The following OOEP variants were observed in gnomAD, a reference collection of about 807,000 sequenced individuals.
The protein encoded by OOEP is oocyte-expressed protein homolog.
OOEP carries 16 observed loss-of-function variants against 13.7 expected under a neutral mutation model. That is an observed-to-expected ratio of 1.16 (90% CI 0.79 to 1.77). The LOEUF is 1.77. Among genes scored for constraint, OOEP ranks in the 40% most tolerant of loss-of-function variants. The pLI, the probability that OOEP is intolerant of heterozygous loss-of-function variation, is 0.00. For missense variants in OOEP, 195 were observed against 193.1 expected (o/e 1.01, Z -0.06); for synonymous variants, 89 against 77.1 (o/e 1.15, Z -0.81).
chr6:73,380,246 CTTTTT>C (rs774497914), intron 2 of OOEP, among the ~76,000 whole-genome samples: 2 of 126,882 alleles, frequency 1.6e-5, no homozygotes. Flanking sequence ...TTCCAAAATT[CTTTTT>C]TTTTTTTTTT....
chr6:73,368,596 T>C lies in OOEP; in HGVS notation c.*188A>G, dbSNP rs1582622370. Reference sequence around the variant, plus strand: ...TATTATAAGTGTGTGAAGATCTTAATGCTTTTGGCAAAATAGCCATTTCTT... The same window carrying C: ...TATTATAAGTGTGTGAAGATCTTAACGCTTTTGGCAAAATAGCCATTTCTT... On this transcript the variant is annotated 3_prime_UTR_variant, in exon 3 of 3. Transcript: ENST00000370359. The C allele has an allele frequency of 1.8e-6, 1 of 549,758 alleles. No individual in the cohort carries two copies. Among genetic ancestry groups the C allele is most frequent in the Admixed American group, 3.1e-5 (1 of 32,418 alleles). The allele number at this position is 549,758 out of a possible 1,614,324, so 34.1% of individuals were successfully genotyped here. A position where few individuals can be genotyped will look rare whatever the true frequency, so the allele number is the denominator to read the frequency against.
upstream of OOEP, among the ~76,000 whole-genome samples, chr6:73,370,879 C>T (rs571664434): frequency 9.9e-5 from 15 of 152,134 alleles, no homozygotes; most frequent in Non-Finnish European, 2.1e-4. Context: ...CCTCCCAGGC[C>T]TAAGCGACCC....
chr6:73,384,221 G>C (rs1379459918), intron 2 of OOEP, among the ~76,000 whole-genome samples: 1 of 152,132 alleles, frequency 6.6e-6, no homozygotes, highest in African/African-American at 2.4e-5. Context: ...GAATGAATAA[G>C]TTCCTAGAAA....
At chr6:73,389,660 C>T (rs1297187235) in intron 2 of OOEP, among the ~76,000 whole-genome samples, 1 of 139,110 alleles carries the variant, frequency 7.2e-6, no homozygotes, top group African/African-American at 2.8e-5. Flanking sequence ...CACATGGACA[C>T]AGGAAGGGGA....
chr6:73,369,816 G>A lies in OOEP; in HGVS notation c.-24C>T. On this transcript the variant is annotated 5_prime_UTR_variant, in exon 1 of 3. Transcript: ENST00000370359. ...ATACTGGGACCAGCAGCCGCGGAGC[G>A]CGCTCGAGGCGGCTTTCGCAAGACC... The A allele has an allele frequency of 6.3e-7, 1 of 1,599,796 alleles. No individual in the cohort carries two copies. Among genetic ancestry groups the A allele is most frequent in the Non-Finnish European group, 8.5e-7 (1 of 1,171,804 alleles).
chr6:73,395,027 A>G, exon 1 of OOEP: 2 of 1,614,210 alleles, frequency 1.2e-6, no homozygotes, highest in South Asian at 1.1e-5. Flanking sequence ...ACAGGTCCTG[A>G]GGGATATAGT....
rs1258051735 is a variant in OOEP at position 73,386,841 on chromosome 6, G to A, written c.25+7505C>T. Among the ~76,000 whole-genome samples, 6 of 151,020 alleles carry A rather than the reference G, an allele frequency of 4.0e-5. 1 individual carries two copies. The South Asian group carries it at 1.3e-3, about 32-fold the overall frequency. Reference sequence around the variant, plus strand: ...AAATTAGCCAGGCATGGTGGCAGGCGCCTGTAATCCCAGCTACTCGGGATG... The same window carrying A: ...AAATTAGCCAGGCATGGTGGCAGGCACCTGTAATCCCAGCTACTCGGGATG... On this transcript the variant is annotated intron_variant, in intron 2 of 3. Transcript: ENST00000370363.
chr6:73,388,425 CTTTTAT>C (rs1405990986), intron 2 of OOEP, among the ~76,000 whole-genome samples: 2 of 152,132 alleles, frequency 1.3e-5, no homozygotes, highest in Non-Finnish European at 2.9e-5. Flanking sequence ...CTGGGTAATA[CTTTTAT>C]TTTTATTTTT....
At chr6:73,388,002 C>T (rs1769298341) in intron 2 of OOEP, among the ~76,000 whole-genome samples, 1 of 152,122 alleles carries the variant, frequency 6.6e-6, no homozygotes, top group Non-Finnish European at 1.5e-5. Context: ...CTCAGCCATC[C>T]GATTACCTGG....
intron 1 of OOEP, chr6:73,394,561 G>C (rs950574498): frequency 7.3e-6 from 4 of 546,024 alleles, no homozygotes; most frequent in South Asian, 2.2e-5. Flanking sequence ...TCCAGTAGGG[G>C]AGGGAGCAAA....
Position 73,394,897 on chromosome 6 carries a change from C to T in OOEP, c.-297G>A, listed in dbSNP as rs191215626. The T allele has an allele frequency of 1.3e-3, 2,097 of 1,613,788 alleles. 21 individuals carry two copies. In the African/African-American group the frequency reaches 0.023, roughly 18 times the overall value. On this transcript the variant is annotated 5_prime_UTR_variant, in exon 1 of 4. Transcript: ENST00000370363. ...GGCAACGACGTCGGACGCGCCCCTTCTTGGAACAATGTCCCACCACGGAGG... is the reference window on the plus strand; with the variant it reads ...GGCAACGACGTCGGACGCGCCCCTTTTTGGAACAATGTCCCACCACGGAGG...
exon 1 of OOEP, chr6:73,394,765 G>A (rs1177172041): frequency 1.9e-5 from 23 of 1,226,590 alleles, no homozygotes; most frequent in South Asian, 1.2e-4. Flanking sequence ...GGGATAGAGA[G>A]CGTGGGCGGG....
intron 2 of OOEP, chr6:73,391,033 C>T (rs1279252054): frequency 3.3e-5 from 5 of 152,100 alleles, no homozygotes; most frequent in East Asian, 1.9e-4. Flanking sequence ...TTAAATCCGC[C>T]GGGCTTATTT....
At chr6:73,387,285 G>A (rs1021966449) in intron 2 of OOEP, among the ~76,000 whole-genome samples, 1 of 152,000 alleles carries the variant, frequency 6.6e-6, no homozygotes, top group Non-Finnish European at 1.5e-5. Flanking sequence ...GAGGTGGGTG[G>A]ATAACTTGAG....
At chr6:73,388,771 A>G (rs1582630265) in intron 2 of OOEP, among the ~76,000 whole-genome samples, 2 of 152,266 alleles carry the variant, frequency 1.3e-5, no homozygotes, top group Admixed American at 6.5e-5. Context: ...AGTGCCCAGT[A>G]TAAGATATTG....
At chr6:73,380,246 CTTTT>C (rs774497914) in intron 2 of OOEP, among the ~76,000 whole-genome samples, 7 of 126,886 alleles carry the variant, frequency 5.5e-5, no homozygotes, top group Non-Finnish European at 1.0e-4. Context: ...TTCCAAAATT[CTTTT>C]TTTTTTTTTT....
At position 73,393,103 on chromosome 6, in the gene OOEP, G is replaced by GAA. The variant is rs55888271; in HGVS notation, c.25+1241_25+1242dup. On this transcript the variant is annotated intron_variant, in intron 2 of 3. Transcript: ENST00000370363. The stretch of plus-strand genomic sequence containing the variant: ...ACTGTGTTTGATGGATGATTGAACT[G>GAA]AAAAAAAAAAAATTTTTTTTTTTTG... 3.5e-4 allele frequency among the ~76,000 whole-genome samples: 51 copies of GAA among 146,048 alleles called. No homozygotes were observed. In the East Asian group the frequency reaches 4.0e-3, roughly 12 times the overall value.
chr6:73,394,618 G>GC (rs1769418966), intron 1 of OOEP: 1 of 330,164 alleles, frequency 3.0e-6, no homozygotes, highest in African/African-American at 2.4e-5. Flanking sequence ...ATACACAGTG[G>GC]GGGGGTGGGG....
At chr6:73,381,403 C>T (rs1203274550) in intron 2 of OOEP, among the ~76,000 whole-genome samples, 2 of 152,040 alleles carry the variant, frequency 1.3e-5, no homozygotes, top group Non-Finnish European at 2.9e-5. Context: ...CTCTGGATAC[C>T]TAGAGTAGCC....
Sources: gnomAD v4.1 joint callset for allele counts (sites outside exome capture counted in the v4.1 genomes callset) on GRCh38, gnomAD v4.1.1 for gene constraint, MANE v1.5 for transcripts, NCBI Gene and HGNC (gene_info 2026-07-23, HGNC 2026-07-21) for gene names.